The following MGAT4C variants were observed in gnomAD, a reference collection of about 807,000 sequenced individuals.
The protein encoded by MGAT4C is alpha-1,3-mannosyl-glycoprotein 4-beta-N-acetylglucosaminyltransferase C.
MGAT4C carries 19 observed loss-of-function variants against 40.1 expected under a neutral mutation model. The observed-to-expected ratio is 0.47, with a 90% CI of 0.33 to 0.70. The LOEUF (loss-of-function observed/expected upper bound fraction) is 0.70, where lower values mean the gene tolerates loss of function less well. MGAT4C is among the 30% of genes least tolerant of loss of function. The pLI, the probability that MGAT4C is intolerant of heterozygous loss-of-function variation, is 0.02. For missense variants in MGAT4C, 491 were observed against 563.2 expected (o/e 0.87, Z 1.30); for synonymous variants, 181 against 187.1 (o/e 0.97, Z 0.27).
chr12:86,360,265 G>A (rs1185984674), intron 3 of MGAT4C, among the ~76,000 whole-genome samples: 1 of 152,052 alleles, frequency 6.6e-6, no homozygotes, highest in African/African-American at 2.4e-5. Flanking sequence ...TGCAGAAAAG[G>A]CCTTTGACAA....
chr12:86,779,714 C>G lies in MGAT4C; in HGVS notation c.-261-52473G>C, dbSNP rs572773902. 4.6e-5 allele frequency among the ~76,000 whole-genome samples: 7 copies of G among 152,096 alleles called. No individual in the cohort carries two copies. The South Asian group carries it at 1.5e-3, about 32-fold the overall frequency. ...GGATCACGAGGTCAGGAGATGGAGA[C>G]CATCCTGGCTAACGCGGTGAAACCT... On this transcript the variant is annotated intron_variant, in intron 1 of 7. Transcript: ENST00000548651.
At chr12:86,592,612 C>A (rs770260921) in intron 2 of MGAT4C, among the ~76,000 whole-genome samples, 1 of 152,086 alleles carries the variant, frequency 6.6e-6, no homozygotes, top group Non-Finnish European at 1.5e-5. Flanking sequence ...ACCATTAAAT[C>A]TGTAGGGAGA....
chr12:86,000,656 T>A (rs1451985267), intron 2 of MGAT4C, among the ~76,000 whole-genome samples: 1 of 152,192 alleles, frequency 6.6e-6, no homozygotes, highest in Non-Finnish European at 1.5e-5. Context: ...ATAATTTATA[T>A]TTTCCAGATC....
At chr12:86,411,366 G>A (rs1438742105) in intron 3 of MGAT4C, among the ~76,000 whole-genome samples, 1 of 152,162 alleles carries the variant, frequency 6.6e-6, no homozygotes, top group Non-Finnish European at 1.5e-5. Context: ...GCATTCTGAG[G>A]TGGTCTCAGT....
At chr12:86,803,490 G>A (rs1211929074) in intron 1 of MGAT4C, among the ~76,000 whole-genome samples, 1 of 152,032 alleles carries the variant, frequency 6.6e-6, no homozygotes, top group Non-Finnish European at 1.5e-5. Context: ...CCTACAACAT[G>A]GAAGAAAATT....
intron 2 of MGAT4C, among the ~76,000 whole-genome samples, chr12:86,523,678 A>G (rs1000171763): frequency 5.9e-5 from 9 of 152,090 alleles, no homozygotes; most frequent in Admixed American, 4.6e-4. Flanking sequence ...TAATTCTGTC[A>G]GTGGGGTTGT....
intron 1 of MGAT4C, among the ~76,000 whole-genome samples, chr12:86,104,480 A>G (rs1174598157): frequency 6.6e-6 from 1 of 152,066 alleles, no homozygotes; most frequent in Non-Finnish European, 1.5e-5. Context: ...ATTGTCTCGT[A>G]ATATTTAATA....
chr12:86,601,227 C>A (rs989501530), intron 2 of MGAT4C: 3 of 152,310 alleles, frequency 2.0e-5, no homozygotes, highest in Non-Finnish European at 2.9e-5. Flanking sequence ...GGGGTGTGTA[C>A]CTGGCAGGTC....
chr12:86,823,138 A>G (rs188460366), intron 1 of MGAT4C, among the ~76,000 whole-genome samples: 23 of 151,144 alleles, frequency 1.5e-4, no homozygotes, highest in Admixed American at 1.4e-3. Context: ...TATTACAAGA[A>G]AGTTTATTGA....
intron 3 of MGAT4C, among the ~76,000 whole-genome samples, chr12:86,388,935 C>T (rs1044336374): frequency 1.3e-5 from 2 of 152,012 alleles, no homozygotes; most frequent in South Asian, 2.1e-4. Context: ...CCGCTTGCCT[C>T]GGCCTCCCAA....
intron 3 of MGAT4C, among the ~76,000 whole-genome samples, chr12:86,397,701 C>T (rs1956285760): frequency 6.6e-6 from 1 of 152,078 alleles, no homozygotes; most frequent in South Asian, 2.1e-4. Context: ...TGGCTCACAC[C>T]TGTAATCCCA....
intron 1 of MGAT4C, among the ~76,000 whole-genome samples, chr12:86,100,974 G>A (rs375729248): frequency 2.0e-5 from 3 of 151,564 alleles, no homozygotes; most frequent in Non-Finnish European, 4.4e-5. Flanking sequence ...AAATTAAGCC[G>A]TTCACATTGA....
At chr12:86,320,891 G>C (rs561726586) in intron 4 of MGAT4C, among the ~76,000 whole-genome samples, 48 of 151,898 alleles carry the variant, frequency 3.2e-4, no homozygotes, top group African/African-American at 1.2e-3. Context: ...AGCTCTAATC[G>C]TTACCACATC....
intron 1 of MGAT4C, among the ~76,000 whole-genome samples, chr12:86,741,270 A>T (rs1347225724): frequency 6.6e-6 from 1 of 151,324 alleles, no homozygotes; most frequent in Non-Finnish European, 1.5e-5. Context: ...AAAACAATTT[A>T]AAATAAAGAC....
At chr12:86,809,379 T>A (rs1952426546) in intron 1 of MGAT4C, among the ~76,000 whole-genome samples, 1 of 152,000 alleles carries the variant, frequency 6.6e-6, no homozygotes, top group Admixed American at 6.6e-5. Context: ...TTTGTTCAAG[T>A]TTTTTTGAGA....
intron 1 of MGAT4C, among the ~76,000 whole-genome samples, chr12:86,206,661 A>G (rs1167807448): frequency 6.6e-6 from 1 of 151,072 alleles, no homozygotes; most frequent in Non-Finnish European, 1.5e-5. Flanking sequence ...TCTCTCACAC[A>G]CTCTTCTTCC....
At chr12:86,494,862 T>C (rs1254144690) in intron 2 of MGAT4C, among the ~76,000 whole-genome samples, 1 of 152,046 alleles carries the variant, frequency 6.6e-6, no homozygotes, top group African/African-American at 2.4e-5. Flanking sequence ...AGCTTTCTGA[T>C]AACTAGGGAA....
chr12:86,452,733 A>G (rs1411150311), intron 2 of MGAT4C, among the ~76,000 whole-genome samples: 1 of 152,086 alleles, frequency 6.6e-6, no homozygotes, highest in Non-Finnish European at 1.5e-5. Flanking sequence ...CTTTTAAATA[A>G]TTATGATTAA....
At chr12:86,181,103 G>A (rs61023223) in intron 1 of MGAT4C, among the ~76,000 whole-genome samples, 12,146 of 152,064 alleles carry the variant, frequency 0.08, 602 homozygotes, top group Middle Eastern at 0.23. Flanking sequence ...TCAGGAGATC[G>A]TATCAGTTAA....
Sources: allele counts gnomAD v4.1 joint callset (sites outside exome capture counted in the v4.1 genomes callset), GRCh38; gene constraint gnomAD v4.1.1; transcripts MANE v1.5; gene names NCBI Gene and HGNC (gene_info 2026-07-23, HGNC 2026-07-21).